IMMP2L: variants seen among roughly 807,000 people sequenced by gnomAD.
IMMP2L encodes the protein inner mitochondrial membrane peptidase subunit 2.
In IMMP2L, 18 loss-of-function variants were observed where a neutral mutation model predicts 19.3. The ratio of observed to expected loss-of-function variants is 0.93; its 90% CI spans 0.64 to 1.38. IMMP2L has a LOEUF of 1.38. IMMP2L is among the 40% of genes most tolerant of loss of function. The probability of loss-of-function intolerance (pLI) is 0.00; values close to 1 mark genes in which losing one functional copy is unlikely to be tolerated. For synonymous variants in IMMP2L, 76 were observed against 73.0 expected, an observed-to-expected ratio of 1.04 and a Z score of -0.21; for missense variants, 233 against 218.2, an observed-to-expected ratio of 1.07 and a Z score of -0.43.
chr7:111,555,425 T>C (rs1292094028), intron 1 of IMMP2L, among the ~76,000 whole-genome samples: 3 of 148,590 alleles, frequency 2.0e-5, no homozygotes, highest in South Asian at 2.2e-4. Flanking sequence ...CGGGAAGGAG[T>C]AGGCAAACAA....
At chr7:111,444,764 G>C (rs1018889336) in intron 3 of IMMP2L, among the ~76,000 whole-genome samples, 2 of 152,030 alleles carry the variant, frequency 1.3e-5, no homozygotes, top group South Asian at 4.2e-4. Context: ...AAAGAAGTAA[G>C]AGAGCAAAAA....
rs975096771 is a variant in IMMP2L, at chr7:111,119,454, A to C, written c.240-155889T>G. Reference sequence around the variant, plus strand: ...ATTGGCATGTAGAAAGTGCTCAATAAATGTTGACTGGATAAATTGAAGAAT... The same window carrying C: ...ATTGGCATGTAGAAAGTGCTCAATACATGTTGACTGGATAAATTGAAGAAT... On this transcript the variant is annotated intron_variant, in intron 3 of 5. Coordinates refer to ENST00000405709, the MANE Select transcript of IMMP2L (RefSeq NM_032549.4). 5.9e-5 allele frequency among the ~76,000 whole-genome samples: 9 copies of C among 152,340 alleles called. No homozygotes were observed. In the South Asian group the frequency reaches 1.2e-3, roughly 21 times the overall value.
intron 3 of IMMP2L, among the ~76,000 whole-genome samples, chr7:111,181,986 T>A (rs1373926176): frequency 2.0e-5 from 3 of 152,022 alleles, no homozygotes; most frequent in Non-Finnish European, 4.4e-5. Flanking sequence ...CATTTCAATA[T>A]ATGCAGCCAT....
intron 5 of IMMP2L, among the ~76,000 whole-genome samples, chr7:110,820,069 A>G (rs2131327233): frequency 6.6e-6 from 1 of 152,198 alleles, no homozygotes; most frequent in African/African-American, 2.4e-5. Context: ...ATGGCAGATG[A>G]TAAAAATCTA....
At chr7:110,789,921 T>C (rs767989132) in intron 5 of IMMP2L, among the ~76,000 whole-genome samples, 7 of 151,676 alleles carry the variant, frequency 4.6e-5, no homozygotes, top group Non-Finnish European at 8.8e-5. Context: ...CTTTGTTAGG[T>C]ATTCTCTAAA....
chr7:110,686,221 G>GTTATCTTCC (rs1341657635), intron 5 of IMMP2L, among the ~76,000 whole-genome samples: 6 of 151,994 alleles, frequency 3.9e-5, no homozygotes, highest in Non-Finnish European at 8.8e-5. Flanking sequence ...CAAAAGATAA[G>GTTATCTTCC]TAGCTACCCT....
rs149153957 is a variant in IMMP2L, at chr7:110,856,341, C to T, written c.408+30252G>A. ...CTAAAGGCATATATGGATTACCACA[C>T]GTTGTAAGTATACTTAGCTAAGGGC... On this transcript the variant is annotated intron_variant, in intron 5 of 5. Transcript: ENST00000405709. Among the ~76,000 whole-genome samples, 355 of 152,014 alleles carry T rather than the reference C, an allele frequency of 2.3e-3. 3 individuals are homozygous for T. The highest frequency in any genetic ancestry group is 8.0e-3 in the African/African-American group (333 of 41,500).
chr7:111,279,679 G>T (rs1819485330), intron 3 of IMMP2L, among the ~76,000 whole-genome samples: 1 of 152,108 alleles, frequency 6.6e-6, no homozygotes, highest in Non-Finnish European at 1.5e-5. Context: ...AGGAAGTCGG[G>T]TGCAAAAACA....
At chr7:110,917,295 T>C (rs1289698824) in intron 4 of IMMP2L, among the ~76,000 whole-genome samples, 1 of 152,150 alleles carries the variant, frequency 6.6e-6, no homozygotes, top group African/African-American at 2.4e-5. Context: ...AAATAACTGG[T>C]GTTTTAAGCC....
At chr7:111,317,826 T>C (rs948313091) in intron 3 of IMMP2L, among the ~76,000 whole-genome samples, 1 of 152,324 alleles carries the variant, frequency 6.6e-6, no homozygotes, top group East Asian at 1.9e-4. Flanking sequence ...GTGAATTTAA[T>C]ATTTCATTAT....
chr7:110,848,985 CAAT>C (rs1805938003), intron 5 of IMMP2L, among the ~76,000 whole-genome samples: 1 of 152,022 alleles, frequency 6.6e-6, no homozygotes. Flanking sequence ...TATGATACCA[CAAT>C]GAGGGATATA....
chr7:111,203,312 C>T (rs996139892), intron 3 of IMMP2L, among the ~76,000 whole-genome samples: 1 of 151,486 alleles, frequency 6.6e-6, no homozygotes, highest in Non-Finnish European at 1.5e-5. Context: ...AAAACAGATA[C>T]CAGTCCCTGT....
chr7:111,016,333 A>G (rs1483626934), intron 3 of IMMP2L, among the ~76,000 whole-genome samples: 3 of 144,672 alleles, frequency 2.1e-5, no homozygotes, highest in Non-Finnish European at 4.5e-5. Flanking sequence ...TCCAGTAATT[A>G]TATATATAAT....
chr7:111,050,469 G>T (rs1792896712), intron 3 of IMMP2L, among the ~76,000 whole-genome samples: 1 of 152,098 alleles, frequency 6.6e-6, no homozygotes, highest in Admixed American at 6.5e-5. Flanking sequence ...AAACATATCA[G>T]CCCACTCTCT....
chr7:111,011,603 T>C (rs957447466), intron 3 of IMMP2L, among the ~76,000 whole-genome samples: 4 of 152,274 alleles, frequency 2.6e-5, no homozygotes, highest in Admixed American at 2.6e-4. Context: ...TGAGTAATCA[T>C]ACCCTTAGCC....
chr7:111,409,485 T>A (rs1584988703), intron 3 of IMMP2L, among the ~76,000 whole-genome samples: 1 of 151,956 alleles, frequency 6.6e-6, no homozygotes, highest in African/African-American at 2.4e-5. Context: ...AAAGAAGCTG[T>A]ACATGTACAT....
chr7:111,415,717 C>T (rs1224961030), intron 3 of IMMP2L, among the ~76,000 whole-genome samples: 1 of 151,530 alleles, frequency 6.6e-6, no homozygotes, highest in East Asian at 1.9e-4. Flanking sequence ...AAATTACACA[C>T]CTGAGAATAA....
intron 3 of IMMP2L, among the ~76,000 whole-genome samples, chr7:111,347,451 A>G (rs1273458605): frequency 6.6e-6 from 1 of 152,102 alleles, no homozygotes; most frequent in East Asian, 1.9e-4. Flanking sequence ...AATTAAACTC[A>G]TGTTTTGCTC....
At chr7:111,499,309 C>T (rs1396398964) in intron 2 of IMMP2L, among the ~76,000 whole-genome samples, 2 of 152,146 alleles carry the variant, frequency 1.3e-5, no homozygotes, top group African/African-American at 4.8e-5. Flanking sequence ...ATGGGGTAGA[C>T]AGGGAATATC....
Sources: allele counts gnomAD v4.1 joint callset (sites outside exome capture counted in the v4.1 genomes callset), GRCh38; gene constraint gnomAD v4.1.1; transcripts MANE v1.5; gene names NCBI Gene and HGNC (gene_info 2026-07-23, HGNC 2026-07-21).